ZNF581: variants seen among roughly 807,000 people sequenced by gnomAD.
The protein encoded by ZNF581 is zinc finger protein 581.
In ZNF581, 1 loss-of-function variant was observed where a neutral mutation model predicts 1.2. That is an observed-to-expected ratio of 0.83 (90% CI 0.30 to 3.95). The LOEUF (loss-of-function observed/expected upper bound fraction) is 3.95. ZNF581 is among the 30% of genes most tolerant of loss of function. The probability of loss-of-function intolerance (pLI) is 0.18; values close to 1 mark genes in which losing one functional copy is unlikely to be tolerated. For synonymous variants in ZNF581, 105 were observed against 109.2 expected, an observed-to-expected ratio of 0.96 and a Z score of 0.24; for missense variants, 273 against 274.6, an observed-to-expected ratio of 0.99 and a Z score of 0.04.
chr19:55,642,490 C>G (rs777085708), upstream of ZNF581: 1 of 1,425,686 alleles, frequency 7.0e-7, no homozygotes, highest in Admixed American at 2.9e-5. Context: ...CCCTCCGCCG[C>G]TCCCAGCTGC....
intron 1 of ZNF581, chr19:55,635,748 G>A (rs778840496): frequency 4.8e-5 from 47 of 987,714 alleles, no homozygotes; most frequent in Non-Finnish European, 5.2e-5. Flanking sequence ...GGTGGCTGAG[G>A]CCAGGTTGTG....
upstream of ZNF581, chr19:55,640,834 G>T (rs1244638515): frequency 1.0e-6 from 1 of 985,544 alleles, no homozygotes; most frequent in South Asian, 4.7e-5. Context: ...CGGCGGAATC[G>T]TTCCGTTCGG....
At chr19:55,636,735 A>G (rs866255890), upstream of ZNF581, among the ~76,000 whole-genome samples, 9 of 152,244 alleles carry the variant, frequency 5.9e-5, no homozygotes, top group Middle Eastern at 0.01. Context: ...GACGCAGAGC[A>G]GGGCACCTGG....
chr19:55,635,829 G>A, intron 1 of ZNF581: 1 of 602,404 alleles, frequency 1.7e-6, no homozygotes, highest in Non-Finnish European at 2.1e-6. Flanking sequence ...CTGGTGGACT[G>A]GTGAGCAGGG....
chr19:55,636,546 G>A (rs192024131), upstream of ZNF581, among the ~76,000 whole-genome samples: 468 of 152,238 alleles, frequency 3.1e-3, no homozygotes, highest in Admixed American at 6.9e-3. Flanking sequence ...AACCAATATC[G>A]AATTGATTCC....
chr19:55,636,869 C>G (rs1167242310), upstream of ZNF581, among the ~76,000 whole-genome samples: 1 of 152,090 alleles, frequency 6.6e-6, no homozygotes, highest in Non-Finnish European at 1.5e-5. Flanking sequence ...GGAGCTAGCA[C>G]AAAAGCTCTC....
At chr19:55,640,872 G>A (rs936670286), upstream of ZNF581, 3 of 985,464 alleles carry the variant, frequency 3.0e-6, no homozygotes, top group Non-Finnish European at 2.4e-6. Context: ...GGGCCGCCGG[G>A]GGCGGGCGTC....
chr19:55,640,398 T>C (rs1057099326), upstream of ZNF581: 1 of 985,460 alleles, frequency 1.0e-6, no homozygotes, highest in Non-Finnish European at 1.2e-6. Flanking sequence ...CCTCCGCATC[T>C]GGCAAAGCCT....
At chr19:55,636,500 T>C (rs1040140842), upstream of ZNF581, among the ~76,000 whole-genome samples, 1 of 152,168 alleles carries the variant, frequency 6.6e-6, no homozygotes, top group Non-Finnish European at 1.5e-5. Context: ...GCTTCACTTT[T>C]GGATGGGGCG....
chr19:55,645,484 A>C lies in ZNF581; in HGVS notation c.*319A>C, dbSNP rs958835445. 3.7e-6 allele frequency: 1 copy of C among 270,004 alleles called. No homozygotes were observed. The highest frequency in any genetic ancestry group is 7.4e-6 in the Non-Finnish European group (1 of 134,432). 16.7% of individuals were successfully genotyped at this position (270,004 alleles called of 1,614,324 possible). A position where few individuals can be genotyped will look rare whatever the true frequency, so the allele number is the denominator to read the frequency against. On this transcript the variant is annotated 3_prime_UTR_variant, in exon 2 of 2. Transcript: ENST00000270451. ...TGTGTAAAGTCTCTGGCCTCATAAA[A>C]GGTGGCTGTGGGTCGTCAGGAATCT...
In ZNF581 at chr19:55,644,976, C is replaced by A. The variant is rs1158370657; in HGVS notation, c.405C>A (p.Ser135=). The change falls in exon 2 of 2, where the codon TCC becomes TCA. Residue 135 remains serine (S), a synonymous_variant. Coordinates refer to ENST00000270451, the MANE Select transcript of ZNF581 (RefSeq NM_016535.4). The surrounding 1 kb of genome is among the most constrained non-coding windows in gnomAD (Gnocchi z 4.3). ...KRASHLARHH[S]IHLAGGGRPH... ...CCAGCCACTTGGCACGGCACCATTC[C>A]ATTCACCTGGCGGGTGGTGGGCGGC... The A allele has an allele frequency of 1.2e-6, 2 of 1,608,198 alleles. No homozygotes were observed. The highest frequency in any genetic ancestry group is 1.7e-6 in the Non-Finnish European group (2 of 1,175,314).
At position 55,645,310 on chromosome 19, in the gene ZNF581, C is replaced by G. The variant is rs1355605106; in HGVS notation, c.*145C>G. ...CCGCATCTCAAAGGCAGAGCCCTGC[C>G]TGAAGGAGGAATCCGTGAGTAATCT... is the stretch of plus-strand genomic sequence containing the variant. On this transcript the variant is annotated 3_prime_UTR_variant, in exon 2 of 2. Coordinates refer to ENST00000270451, the MANE Select transcript of ZNF581 (RefSeq NM_016535.4). 3.1e-6 allele frequency: 2 copies of G among 646,202 alleles called. No individual in the cohort carries two copies. The highest frequency in any genetic ancestry group is 4.9e-6 in the Non-Finnish European group (2 of 405,404). 40.0% of individuals were successfully genotyped at this position (646,202 alleles called of 1,614,324 possible).
upstream of ZNF581, among the ~76,000 whole-genome samples, chr19:55,638,070 A>T (rs1255748611): frequency 6.6e-6 from 1 of 152,060 alleles, no homozygotes; most frequent in Non-Finnish European, 1.5e-5. Flanking sequence ...TAAACAAAAG[A>T]AGCTTAATTG....
upstream of ZNF581, chr19:55,641,937 AGGGAGGCCACGGAATATGAAGATG>A (rs1346214272): frequency 6.9e-6 from 4 of 583,276 alleles, no homozygotes; most frequent in African/African-American, 4.6e-5. Flanking sequence ...AGAGGAAGTG[AGGGAGGCCACGGAATATGAAGATG>A]GGGAGGCCCT....
chr19:55,640,176 A>G, upstream of ZNF581: 9 of 985,454 alleles, frequency 9.1e-6, no homozygotes, highest in Non-Finnish European at 1.1e-5. Flanking sequence ...CCGTGGCGCC[A>G]CGTGGCTGGA....
chr19:55,642,439 G>A (rs935444454), upstream of ZNF581: 1 of 1,396,542 alleles, frequency 7.2e-7, no homozygotes, highest in Middle Eastern at 1.9e-4. Flanking sequence ...TCCATTTTAG[G>A]AAACTTTTCC....
chr19:55,640,036 T>C, upstream of ZNF581: 1 of 742,072 alleles, frequency 1.3e-6, no homozygotes. Context: ...CAGAAAGTTC[T>C]GATGGACAGT....
chr19:55,636,353 G>C (rs540507728), upstream of ZNF581, among the ~76,000 whole-genome samples: 2 of 152,204 alleles, frequency 1.3e-5, no homozygotes, highest in Admixed American at 1.3e-4. Flanking sequence ...GGGAGTGAGG[G>C]AGTGGGTGGA....
At chr19:55,643,054 GC>G, upstream of ZNF581, 1 of 1,343,438 alleles carries the variant, frequency 7.4e-7, no homozygotes, top group Non-Finnish European at 9.6e-7. Flanking sequence ...GTGCTGCCCT[GC>G]CCGTCTCAGG....
Sources: allele counts gnomAD v4.1 joint callset (sites outside exome capture counted in the v4.1 genomes callset), GRCh38; gene constraint gnomAD v4.1.1; non-coding constraint Gnocchi (gnomAD v3.1); transcripts MANE v1.5; gene names NCBI Gene and HGNC (gene_info 2026-07-23, HGNC 2026-07-21).